CAMKK1: variants seen among roughly 807,000 people sequenced by gnomAD.
CAMKK1 encodes the protein calcium/calmodulin dependent protein kinase kinase 1.
A neutral mutation model predicts 63.5 loss-of-function variants in CAMKK1; 20 were observed. The ratio of observed to expected loss-of-function variants is 0.32; its 90% CI spans 0.22 to 0.46. CAMKK1 has a LOEUF of 0.46. Ranked by LOEUF, CAMKK1 falls within the 20% of genes least tolerant of loss-of-function variation. The pLI is 1.00. For missense variants in CAMKK1, 588 were observed against 658.1 expected, an observed-to-expected ratio of 0.89 and a Z score of 1.17; for synonymous variants, 253 against 269.0, an observed-to-expected ratio of 0.94 and a Z score of 0.58.
chr17:3,880,479 C>A (rs1329045701), intron 8 of CAMKK1, 45 bp from the exon 9 acceptor site: 2 of 1,520,350 alleles, frequency 1.3e-6, no homozygotes, highest in South Asian at 1.2e-5. Context: ...GAAATCAGGG[C>A]ACCCGGCCAT....
In CAMKK1 at chr17:3,876,224, T is replaced by G; in HGVS notation, c.995A>C (p.Lys332Thr). The G allele has an allele frequency of 6.2e-7, 1 of 1,613,902 alleles. No individual in the cohort carries two copies. Among genetic ancestry groups the G allele is most frequent in the Non-Finnish European group, 8.5e-7 (1 of 1,179,858 alleles). ...CCTGGCCCAGGGCCTGCGAGTCACC[T>G]TCCCACTGAAGCTCTGGCCGGAATC... ...ISDSGQSFSG[K>T]ALDVWATGVT... The change falls in exon 10 of 16, where the codon AAG (lysine) becomes ACG (threonine). Residue 332 changes from lysine to threonine, a missense_variant and splice_region_variant. Transcript: ENST00000348335.
chr17:3,884,913 A>C lies in CAMKK1; in HGVS notation c.360+415T>G, dbSNP rs1025646705. ...AGTTCACTTTCAGACCTAAATGGCA[A>C]GAACTCCAGCAGAAGCCCAGAGGCT... On this transcript the variant is annotated intron_variant, in intron 2 of 15. Transcript: ENST00000348335. This position sits in a 1 kb window ranked among gnomAD's most constrained non-coding sequence, Gnocchi z 4.5. 2.0e-5 allele frequency among the ~76,000 whole-genome samples: 3 copies of C among 152,218 alleles called. No homozygotes were observed. Among genetic ancestry groups the C allele is most frequent in the East Asian group, 3.9e-4 (2 of 5,194 alleles).
chr17:3,888,127 C>G (rs956718761), intron 1 of CAMKK1, among the ~76,000 whole-genome samples: 2 of 152,206 alleles, frequency 1.3e-5, no homozygotes, highest in Non-Finnish European at 2.9e-5. Flanking sequence ...AGAATGAACT[C>G]CAGAGTCAGG....
rs150455476 is a variant in CAMKK1 at position 3,863,339 on chromosome 17, T to C, written c.1446-1056A>G. Among the ~76,000 whole-genome samples, 872 of 151,950 alleles carry C rather than the reference T, an allele frequency of 5.7e-3. 7 individuals are homozygous for C. The highest frequency in any genetic ancestry group is 7.9e-3 in the Non-Finnish European group (540 of 67,934). ...GGTGAAATCCCGTCTCTAATAAAAA[T>C]ACAAAAATTAGCCGGTGTGGTGGTG... is the stretch of plus-strand genomic sequence containing the variant. On this transcript the variant is annotated intron_variant, in intron 15 of 15. Transcript: ENST00000348335.
At chr17:3,881,061 A>G (rs965716937) in intron 8 of CAMKK1, among the ~76,000 whole-genome samples, 3 of 152,132 alleles carry the variant, frequency 2.0e-5, no homozygotes, top group Non-Finnish European at 4.4e-5. Context: ...AGGGTCCCGG[A>G]CCACCCAGCC....
chr17:3,874,304 G>A (rs545109591), intron 10 of CAMKK1, among the ~76,000 whole-genome samples: 3 of 152,264 alleles, frequency 2.0e-5, no homozygotes, highest in South Asian at 2.1e-4. Context: ...TCCGGGACCA[G>A]AAAAAGAAGA....
chr17:3,886,725 C>T (rs192052655), intron 1 of CAMKK1, among the ~76,000 whole-genome samples: 15 of 152,222 alleles, frequency 9.9e-5, no homozygotes, highest in East Asian at 3.9e-4. Context: ...CACTGTGTGG[C>T]GGCTGAAACA....
At position 3,889,922 on chromosome 17, in the gene CAMKK1, G is replaced by GCTGGTCAGGCC. The variant is rs1359315173; in HGVS notation, c.-44+3006_-44+3016dup. Among the ~76,000 whole-genome samples, 1 of 152,222 alleles carries GCTGGTCAGGCC rather than the reference G, an allele frequency of 6.6e-6. No homozygotes were observed. The highest frequency in any genetic ancestry group is 1.5e-5 in the Non-Finnish European group (1 of 68,036). ...CGGGTTCAAGTAGCTCCACCTGGGA[G>GCTGGTCAGGCC]CTGGTCAGGCCCTGGTCAGGCCTCA... On this transcript the variant is annotated intron_variant, in intron 1 of 15. Coordinates refer to ENST00000348335, the MANE Select transcript of CAMKK1 (RefSeq NM_032294.3). The surrounding 1 kb of genome is among the most constrained non-coding windows in gnomAD (Gnocchi z 5.2).
intron 10 of CAMKK1, 82 bp downstream of exon 10, chr17:3,876,141 C>T (rs756274484): frequency 6.0e-6 from 8 of 1,330,592 alleles, no homozygotes; most frequent in Non-Finnish European, 8.2e-6. Context: ...CCCTGGCACC[C>T]TCAGGTTAGA....
At chr17:3,873,350 G>A (rs1001814299) in intron 11 of CAMKK1, 59 bp downstream of exon 11, 6 of 1,492,326 alleles carry the variant, frequency 4.0e-6, no homozygotes, top group African/African-American at 2.8e-5. Context: ...GCCTGCATCC[G>A]TCGCCCGTGC....
At chr17:3,869,923 C>T in intron 12 of CAMKK1, 35 bp from the exon 13 acceptor site, 1 of 1,556,450 alleles carries the variant, frequency 6.4e-7, no homozygotes, top group South Asian at 1.1e-5. Context: ...GAGGGTGGGA[C>T]CGCTGATGAG....
Position 3,881,638 on chromosome 17 carries a change from G to T in CAMKK1, c.696C>A (p.Leu232=), listed in dbSNP as rs55809192. The T allele has an allele frequency of 1.3e-6, 2 of 1,568,866 alleles. No individual in the cohort carries two copies. Among genetic ancestry groups the T allele is most frequent in the East Asian group, 2.3e-5 (1 of 43,076 alleles). The part of the protein sequence containing the change: ...AEDNLYLVFD[L]LRKGPVMEVP... ...GACGGGGAACTCACCCCTTTCTCAG[G>T]AGGTCAAACACTGAAAGAAAAGACA... is the stretch of plus-strand genomic sequence containing the variant. The change falls in exon 8 of 16, where the codon CTC becomes CTA. Residue 232 remains leucine (L), a synonymous_variant. Transcript: ENST00000348335.
At chr17:3,881,749 A>C in intron 7 of CAMKK1, 101 bp from the exon 8 acceptor site, 1 of 1,084,676 alleles carries the variant, frequency 9.2e-7, no homozygotes, top group Non-Finnish European at 1.4e-6. Flanking sequence ...GCAGGCATGC[A>C]GGCATACTCG....
Position 3,884,468 on chromosome 17 carries a change from A to G in CAMKK1, c.361-41T>C, listed in dbSNP as rs1354608996. The G allele has an allele frequency of 6.3e-7, 1 of 1,598,038 alleles. No individual in the cohort carries two copies. The highest frequency in any genetic ancestry group is 1.1e-5 in the South Asian group (1 of 90,484). ...GAGCACCAGGTGGAGCTGGGTCCGG[A>G]GGCAGCACTGCTCCTACCTCAGAGC... On this transcript the variant is annotated intron_variant, in intron 2 of 15. Coordinates refer to ENST00000348335, the MANE Select transcript of CAMKK1 (RefSeq NM_032294.3). This position sits in a 1 kb window ranked among gnomAD's most constrained non-coding sequence, Gnocchi z 4.5.
chr17:3,869,675 G>C, intron 13 of CAMKK1, 60 bp from the exon 14 acceptor site: 2 of 1,612,460 alleles, frequency 1.2e-6, no homozygotes, highest in African/African-American at 1.3e-5. Context: ...AGAATCACCT[G>C]GAGGGGTCCA....
At chr17:3,865,024 C>T (rs2054465119) in intron 15 of CAMKK1, 4 of 705,810 alleles carry the variant, frequency 5.7e-6, no homozygotes, top group African/African-American at 3.9e-5. Flanking sequence ...CAAACAACTC[C>T]CACCAGCCCC....
chr17:3,865,071 G>A (rs2054466615), intron 15 of CAMKK1: 4 of 947,876 alleles, frequency 4.2e-6, no homozygotes, highest in Non-Finnish European at 3.8e-6. Context: ...GAGGAAGGCA[G>A]TGGCTGTCCC....
chr17:3,883,545 A>C lies in CAMKK1; in HGVS notation c.463-65T>G. On this transcript the variant is annotated intron_variant, in intron 4 of 15. Coordinates refer to ENST00000348335, the MANE Select transcript of CAMKK1 (RefSeq NM_032294.3). This position sits in a 1 kb window ranked among gnomAD's most constrained non-coding sequence, Gnocchi z 4.7. The stretch of plus-strand genomic sequence containing the variant: ...ACCAGGGGCTAGAACAGGCTGGTAC[A>C]TGTGGACTGAGGTCCGGAGAGGCAC... 1.5e-6 allele frequency: 2 copies of C among 1,317,556 alleles called. No individual in the cohort carries two copies. Among genetic ancestry groups the C allele is most frequent in the Non-Finnish European group, 2.2e-6 (2 of 909,734 alleles). 81.6% of individuals were successfully genotyped at this position (1,317,556 alleles called of 1,614,324 possible). A position where few individuals can be genotyped will look rare whatever the true frequency, so the allele number is the denominator to read the frequency against.
At position 3,890,047 on chromosome 17, in the gene CAMKK1, A is replaced by G. The variant is rs1234408530; in HGVS notation, c.-44+2892T>C. Among the ~76,000 whole-genome samples the G allele has an allele frequency of 6.6e-6, 1 of 152,200 alleles. No homozygotes were observed. The highest frequency in any genetic ancestry group is 1.5e-5 in the Non-Finnish European group (1 of 68,028). ...GATGGACAGCCGTGACCAGCAGAGGACCGAACAGAAGGGAAAGCCGCAGAG... is the reference window on the plus strand; with the variant it reads ...GATGGACAGCCGTGACCAGCAGAGGGCCGAACAGAAGGGAAAGCCGCAGAG... On this transcript the variant is annotated intron_variant, in intron 1 of 15. Coordinates refer to ENST00000348335, the MANE Select transcript of CAMKK1 (RefSeq NM_032294.3). The surrounding 1 kb of genome is among the most constrained non-coding windows in gnomAD (Gnocchi z 6.5).
Sources: gnomAD v4.1 joint callset for allele counts (sites outside exome capture counted in the v4.1 genomes callset) on GRCh38, gnomAD v4.1.1 for gene constraint, Gnocchi (gnomAD v3.1) non-coding constraint, MANE v1.5 for transcripts, NCBI Gene and HGNC (gene_info 2026-07-23, HGNC 2026-07-21) for gene names.